The following CSMD2 variants were observed in gnomAD, a reference collection of about 807,000 sequenced individuals.
CSMD2 encodes the protein CUB and Sushi multiple domains 2.
Under a neutral mutation model 398.5 loss-of-function variants are expected in CSMD2, and 130 were observed. The ratio of observed to expected loss-of-function variants is 0.33; its 90% CI spans 0.28 to 0.38. The LOEUF is 0.38. CSMD2 is among the 10% of genes least tolerant of loss of function. The probability of loss-of-function intolerance (pLI) is 1.00; values close to 1 mark genes in which losing one functional copy is unlikely to be tolerated. For synonymous variants in CSMD2, 1,828 were observed against 1,908.5 expected (o/e 0.96, Z 1.10); for missense variants, 3,829 against 4,764.9 (o/e 0.80, Z 5.78).
intron 3 of CSMD2, among the ~76,000 whole-genome samples, chr1:33,974,060 A>C (rs898137533): frequency 2.0e-5 from 3 of 152,128 alleles, no homozygotes; most frequent in Non-Finnish European, 4.4e-5. Flanking sequence ...CTGTAAACAC[A>C]CATCATTCAT....
chr1:33,540,722 GAGT>G, intron 59 of CSMD2, 24 bp from the exon 60 acceptor site: 1 of 1,613,392 alleles, frequency 6.2e-7, no homozygotes, highest in Non-Finnish European at 8.5e-7. Context: ...AAAGCAGGCT[GAGT>G]TCTGATGCTG....
intron 3 of CSMD2, among the ~76,000 whole-genome samples, chr1:33,982,210 T>C (rs1235865560): frequency 6.6e-6 from 1 of 152,086 alleles, no homozygotes; most frequent in Non-Finnish European, 1.5e-5. Context: ...GGGGGGCTAC[T>C]GGATGAACAG....
In CSMD2 at chr1:33,725,208, G is replaced by C. The variant is rs190407278; in HGVS notation, c.2695+141C>G. 54 of 671,458 alleles carry C rather than the reference G, an allele frequency of 8.0e-5. No individual in the cohort carries two copies. The African/African-American group carries it at 8.7e-4, about 11-fold the overall frequency. 41.6% of individuals were successfully genotyped at this position (671,458 alleles called of 1,614,324 possible). ...GAGAGCAACAGAGTGCCTTCCCCAGGGCCTTCTGAAGGGCACAGCCTAGCC... is the reference window on the plus strand; with the variant it reads ...GAGAGCAACAGAGTGCCTTCCCCAGCGCCTTCTGAAGGGCACAGCCTAGCC... On this transcript the variant is annotated intron_variant, in intron 17 of 70. Transcript: ENST00000373381.
At position 34,121,702 on chromosome 1, in the gene CSMD2, A is replaced by T. The variant is rs576070729; in HGVS notation, c.188-32509T>A. 7.7e-4 allele frequency among the ~76,000 whole-genome samples: 117 copies of T among 152,266 alleles called. No individual in the cohort carries two copies. In the Middle Eastern group the frequency reaches 0.024, roughly 31 times the overall value. ...ACAGTGTCCCAATTAAATTAAATTA[A>T]TTAAAATTAGCCCTCTGGGAGTGGG... On this transcript the variant is annotated intron_variant, in intron 1 of 70. Coordinates refer to ENST00000373381, the MANE Select transcript of CSMD2 (RefSeq NM_001281956.2).
chr1:34,149,109 C>T (rs752539279), intron 1 of CSMD2, among the ~76,000 whole-genome samples: 1 of 152,182 alleles, frequency 6.6e-6, no homozygotes, highest in Admixed American at 6.5e-5. Context: ...CATCTCTGGG[C>T]CTCCCAGTGT....
At chr1:33,700,746 C>T in intron 22 of CSMD2, 73 bp from the exon 23 acceptor site, 2 of 1,475,326 alleles carry the variant, frequency 1.4e-6, no homozygotes, top group Non-Finnish European at 1.9e-6. Flanking sequence ...CCTTACCCCA[C>T]AACCCACACT....
intron 1 of CSMD2, among the ~76,000 whole-genome samples, chr1:34,099,738 G>T (rs893342147): frequency 6.6e-6 from 1 of 152,152 alleles, no homozygotes; most frequent in African/African-American, 2.4e-5. Flanking sequence ...CTAAGATGAG[G>T]GTCTTGAATG....
intron 1 of CSMD2, among the ~76,000 whole-genome samples, chr1:34,118,588 G>A (rs2148463031): frequency 6.6e-6 from 1 of 152,260 alleles, no homozygotes; most frequent in South Asian, 2.1e-4. Context: ...ACAAAAATAA[G>A]TTGCATTTCT....
chr1:34,096,626 C>T (rs1248608115), intron 1 of CSMD2, among the ~76,000 whole-genome samples: 2 of 122,022 alleles, frequency 1.6e-5, no homozygotes, highest in Non-Finnish European at 3.4e-5. Flanking sequence ...AACAGACAAA[C>T]AGAGAGCCAA....
chr1:33,719,765 G>A (rs1209895374), intron 19 of CSMD2, among the ~76,000 whole-genome samples: 1 of 152,150 alleles, frequency 6.6e-6, no homozygotes, highest in Non-Finnish European at 1.5e-5. Context: ...TAATATGTAG[G>A]CAATAATATC....
chr1:33,626,127 T>C (rs926300657), intron 33 of CSMD2, among the ~76,000 whole-genome samples: 1 of 152,212 alleles, frequency 6.6e-6, no homozygotes, highest in South Asian at 2.1e-4. Context: ...GCACCTTTAC[T>C]GTGCCTGGCA....
intron 2 of CSMD2, among the ~76,000 whole-genome samples, chr1:34,036,282 T>C (rs769686650): frequency 1.4e-4 from 21 of 152,152 alleles, no homozygotes; most frequent in Non-Finnish European, 1.5e-4. Context: ...AATAGGTGAA[T>C]GACTAAACAA....
intron 3 of CSMD2, among the ~76,000 whole-genome samples, chr1:34,000,662 A>C (rs941018318): frequency 1.3e-5 from 2 of 152,186 alleles, no homozygotes; most frequent in African/African-American, 2.4e-5. Flanking sequence ...ATAAACAAAC[A>C]AAATAAGAAA....
chr1:33,780,084 T>C (rs184628846), intron 12 of CSMD2, among the ~76,000 whole-genome samples: 2 of 152,016 alleles, frequency 1.3e-5, no homozygotes, highest in African/African-American at 4.8e-5. Flanking sequence ...GTTCGATGAG[T>C]AATAAGTCAT....
intron 6 of CSMD2, among the ~76,000 whole-genome samples, chr1:33,829,115 T>C (rs1659166741): frequency 6.6e-6 from 1 of 152,160 alleles, no homozygotes; most frequent in East Asian, 1.9e-4. Context: ...GGTAGAGTCT[T>C]TGTCCTCATC....
chr1:33,874,644 G>T (rs1330530399), intron 5 of CSMD2, among the ~76,000 whole-genome samples: 1 of 152,164 alleles, frequency 6.6e-6, no homozygotes, highest in African/African-American at 2.4e-5. Flanking sequence ...ATCTATCCCT[G>T]GGTGTCTCAA....
intron 1 of CSMD2, among the ~76,000 whole-genome samples, chr1:34,123,428 A>G (rs72886060): frequency 6.6e-6 from 1 of 152,020 alleles, no homozygotes; most frequent in Non-Finnish European, 1.5e-5. Flanking sequence ...TCTAACGTTC[A>G]TCTGTATCCT....
At chr1:33,921,348 G>C (rs74069844) in intron 4 of CSMD2, among the ~76,000 whole-genome samples, 1 of 152,060 alleles carries the variant, frequency 6.6e-6, no homozygotes, top group African/African-American at 2.4e-5. Context: ...GGCAGAGTTT[G>C]TCGCCTTCTG....
At chr1:34,067,605 A>G (rs1281292857) in intron 2 of CSMD2, among the ~76,000 whole-genome samples, 1 of 152,198 alleles carries the variant, frequency 6.6e-6, no homozygotes, top group Non-Finnish European at 1.5e-5. Context: ...TTGGAAATGC[A>G]TCTCAGACTG....
Sources: gnomAD v4.1 joint callset for allele counts (sites outside exome capture counted in the v4.1 genomes callset) on GRCh38, gnomAD v4.1.1 for gene constraint, MANE v1.5 for transcripts, NCBI Gene and HGNC (gene_info 2026-07-23, HGNC 2026-07-21) for gene names.